The following KLHL5 variants were observed in gnomAD, a reference collection of about 807,000 sequenced individuals.
KLHL5 encodes the protein kelch like family member 5, also known as kelch-like protein 5.
Under a neutral mutation model 77.7 loss-of-function variants are expected in KLHL5, and 48 were observed. The observed-to-expected ratio is 0.62, with a 90% CI of 0.49 to 0.79. KLHL5 has a LOEUF of 0.79. KLHL5 is among the 30% of genes least tolerant of loss of function. The pLI is 0.00. For synonymous variants in KLHL5, 260 were observed against 297.0 expected (o/e 0.88, Z 1.28); for missense variants, 723 against 859.7 (o/e 0.84, Z 1.99).
chr4:39,068,940 A>C (rs1718151880), intron 1 of KLHL5, among the ~76,000 whole-genome samples: 1 of 152,248 alleles, frequency 6.6e-6, no homozygotes, highest in Non-Finnish European at 1.5e-5. Flanking sequence ...ATTCAGAAAC[A>C]CAGTGGCTTA....
At chr4:39,050,072 C>T (rs1716521093) in intron 1 of KLHL5, among the ~76,000 whole-genome samples, 1 of 151,856 alleles carries the variant, frequency 6.6e-6, no homozygotes, top group African/African-American at 2.4e-5. Flanking sequence ...GAGACTCCAT[C>T]CCAAAAATAA....
intron 1 of KLHL5, among the ~76,000 whole-genome samples, chr4:39,073,361 G>T (rs1250602634): frequency 6.8e-6 from 1 of 146,450 alleles, no homozygotes; most frequent in Non-Finnish European, 1.5e-5. Flanking sequence ...ATTAGCATCT[G>T]TGTTAGATGA....
intron 1 of KLHL5, among the ~76,000 whole-genome samples, chr4:39,070,469 A>C (rs1718371561): frequency 1.3e-5 from 2 of 152,214 alleles, no homozygotes; most frequent in Admixed American, 1.3e-4. Context: ...TATTAGAAAC[A>C]ACCTGTGATA....
intron 8 of KLHL5, among the ~76,000 whole-genome samples, chr4:39,108,053 T>C (rs1435750535): frequency 6.6e-6 from 1 of 151,382 alleles, no homozygotes; most frequent in Non-Finnish European, 1.5e-5. Context: ...ATATTATCTA[T>C]ATTATGTTTA....
chr4:39,109,186 T>C (rs765070951), intron 8 of KLHL5, among the ~76,000 whole-genome samples: 3 of 152,268 alleles, frequency 2.0e-5, no homozygotes, highest in Non-Finnish European at 4.4e-5. Flanking sequence ...CATCTTTTCT[T>C]ATCATTGCTT....
chr4:39,098,259 G>GC (rs2109481379), intron 6 of KLHL5, among the ~76,000 whole-genome samples: 1 of 151,322 alleles, frequency 6.6e-6, no homozygotes, highest in Admixed American at 6.6e-5. Flanking sequence ...GCAAGTTACT[G>GC]TTTTTTTGTT....
intron 1 of KLHL5, among the ~76,000 whole-genome samples, chr4:39,046,377 G>A (rs1303743391): frequency 6.6e-6 from 1 of 152,136 alleles, no homozygotes; most frequent in Non-Finnish European, 1.5e-5. Flanking sequence ...AAAAGATCCT[G>A]TACTAGAGAT....
At chr4:39,069,621 T>A (rs1466266533) in intron 1 of KLHL5, among the ~76,000 whole-genome samples, 2 of 148,722 alleles carry the variant, frequency 1.3e-5, no homozygotes, top group East Asian at 2.0e-4. Context: ...AAAGTAAAAA[T>A]CATCAACTAC....
the KLHL5 span, among the ~76,000 whole-genome samples, chr4:39,139,282 CAAAA>C: frequency 3.5e-5 from 2 of 57,414 alleles, no homozygotes. Flanking sequence ...AACTCCATCT[CAAAA>C]AAAAAAAAAA....
chr4:39,101,279 G>T lies in KLHL5; in HGVS notation c.1301-2008G>T, dbSNP rs372013004. ...AAATAACTTAAAATTCAAAAGAAAA[G>T]TATTCCCTAAATGTATTCATGAAGA... On this transcript the variant is annotated intron_variant, in intron 6 of 10. Transcript: ENST00000504108. Among the ~76,000 whole-genome samples the T allele has an allele frequency of 9.8e-4, 148 of 151,468 alleles. 4 individuals carry two copies. In the South Asian group the frequency reaches 0.03, roughly 31 times the overall value.
the KLHL5 span, among the ~76,000 whole-genome samples, chr4:39,136,066 A>C: frequency 1.3e-5 from 2 of 151,514 alleles, no homozygotes; most frequent in Admixed American, 6.6e-5. Flanking sequence ...TCTCAGAGCT[A>C]AGGTAGCTCA....
the KLHL5 span, among the ~76,000 whole-genome samples, chr4:39,142,540 T>G: frequency 6.6e-6 from 1 of 152,166 alleles, no homozygotes; most frequent in Non-Finnish European, 1.5e-5. Context: ...AAGCATGGAC[T>G]CATCCTATGA....
intron 1 of KLHL5, among the ~76,000 whole-genome samples, chr4:39,045,611 G>C (rs1312277888): frequency 6.6e-6 from 1 of 152,024 alleles, no homozygotes; most frequent in Non-Finnish European, 1.5e-5. Flanking sequence ...ATTTTCCCGA[G>C]ACCCGGCGTG....
chr4:39,091,124 G>A (rs904677869), intron 5 of KLHL5, among the ~76,000 whole-genome samples: 2 of 151,762 alleles, frequency 1.3e-5, no homozygotes, highest in African/African-American at 4.8e-5. Flanking sequence ...CAGTAGCTGG[G>A]ATTACAGGCG....
rs761574302 is a variant in KLHL5, at chr4:39,125,712, T to C, written c.*4646T>C. On this transcript the variant is annotated 3_prime_UTR_variant, in exon 11 of 11. Coordinates refer to ENST00000504108, the MANE Select transcript of KLHL5 (RefSeq NM_015990.5). ...GCTGAGAGAAAGGAGTGGGGAGAGA[T>C]TGCTAAAAAGGAGTTTCCTTCTAGG... Among the ~76,000 whole-genome samples, 2 of 151,992 alleles carry C rather than the reference T, an allele frequency of 1.3e-5. No homozygotes were observed. Among genetic ancestry groups the C allele is most frequent in the African/African-American group, 2.4e-5 (1 of 41,364 alleles).
At chr4:39,051,711 AAAC>A (rs142310234) in intron 1 of KLHL5, among the ~76,000 whole-genome samples, 60,941 of 116,306 alleles carry the variant, frequency 0.52, 13,382 homozygotes, top group East Asian at 0.64. Flanking sequence ...AAAAAAGAAA[AAAC>A]AAACAAACAA....
At position 39,096,812 on chromosome 4, in the gene KLHL5, C is replaced by T. The variant is rs753910058; in HGVS notation, c.1234C>T (p.Arg412Trp). The change falls in exon 6 of 11, where the codon CGG becomes TGG. Residue 412 changes from arginine (R) to tryptophan (W), a missense_variant. Arg to Trp is a moderately radical substitution (Grantham distance 101). Transcript: ENST00000504108. ...PERRPMLQSP[R>W]TKPRKSTVGT... ...GAGACGACCCATGTTACAAAGTCCT[C>T]GGACAAAACCTAGGAAGTCAACTGT... 16 of 1,613,604 alleles carry T rather than the reference C, an allele frequency of 9.9e-6. No individual in the cohort carries two copies. The highest frequency in any genetic ancestry group is 4.0e-5 in the African/African-American group (3 of 74,864).
chr4:39,105,737 TACACACAC>T (rs10536180), intron 7 of KLHL5, among the ~76,000 whole-genome samples: 18,064 of 146,610 alleles, frequency 0.12, 1,231 homozygotes, highest in East Asian at 0.22. Context: ...TATATATGTA[TACACACAC>T]ACACACACAC....
At chr4:39,083,213 T>C (rs1333066321) in intron 4 of KLHL5, among the ~76,000 whole-genome samples, 2 of 152,182 alleles carry the variant, frequency 1.3e-5, no homozygotes, top group Non-Finnish European at 2.9e-5. Flanking sequence ...TTACAAACTA[T>C]TGGCAAGATC....
Sources: gnomAD v4.1 joint callset for allele counts (sites outside exome capture counted in the v4.1 genomes callset) on GRCh38, gnomAD v4.1.1 for gene constraint, MANE v1.5 for transcripts, NCBI Gene and HGNC (gene_info 2026-07-23, HGNC 2026-07-21) for gene names.